The following MYO3B variants were observed in gnomAD, a reference collection of about 807,000 sequenced individuals.
The protein encoded by MYO3B is myosin IIIB.
A neutral mutation model predicts 174.6 loss-of-function variants in MYO3B; 156 were observed. The ratio of observed to expected loss-of-function variants is 0.89; its 90% CI spans 0.78 to 1.02. MYO3B has a LOEUF of 1.02. Among genes scored for constraint, MYO3B ranks in the 50% least tolerant of loss-of-function variants. The pLI is 0.00. For missense variants in MYO3B, 1,632 were observed against 1,639.4 expected (o/e 1.00, Z 0.08); for synonymous variants, 563 against 569.1 (o/e 0.99, Z 0.15).
intron 8 of MYO3B, chr2:170,340,449 A>G (rs2093970180): frequency 6.6e-6 from 1 of 152,224 alleles, no homozygotes; most frequent in South Asian, 2.1e-4. Context: ...AGAAAAAGTA[A>G]TATCTTTTCA....
intron 30 of MYO3B, 118 bp from the exon 31 acceptor site, chr2:170,542,788 A>G: frequency 1.4e-6 from 1 of 733,096 alleles, no homozygotes; most frequent in Non-Finnish European, 2.1e-6. Flanking sequence ...TGAAATGGGA[A>G]ACCATGGAAG....
At chr2:170,536,233 T>C (rs1319213352) in intron 30 of MYO3B, among the ~76,000 whole-genome samples, 2 of 152,214 alleles carry the variant, frequency 1.3e-5, no homozygotes, top group African/African-American at 4.8e-5. Flanking sequence ...GAAATTAGCA[T>C]AAGTGCATAA....
chr2:170,401,721 G>T, intron 18 of MYO3B, 30 bp downstream of exon 18: 1 of 1,600,864 alleles, frequency 6.2e-7, no homozygotes. Flanking sequence ...GAGGGTCTCA[G>T]GAGAGCTGTC....
intron 12 of MYO3B, among the ~76,000 whole-genome samples, chr2:170,384,571 T>C (rs1001280433): frequency 6.6e-6 from 1 of 152,164 alleles, no homozygotes; most frequent in Non-Finnish European, 1.5e-5. Flanking sequence ...ACAACATAGA[T>C]TATAAAATGG....
At chr2:170,223,828 T>C (rs1221734052) in intron 6 of MYO3B, among the ~76,000 whole-genome samples, 2 of 152,242 alleles carry the variant, frequency 1.3e-5, no homozygotes, top group Non-Finnish European at 2.9e-5. Flanking sequence ...ATCGTTTTTA[T>C]TGAGGACACC....
At position 170,652,315 on chromosome 2, in the gene MYO3B, T is replaced by C. The variant is rs149875282; in HGVS notation, c.3887+161T>C. 2.6e-3 allele frequency among the ~76,000 whole-genome samples: 389 copies of C among 152,334 alleles called. 4 individuals carry two copies. The highest frequency in any genetic ancestry group is 9.0e-3 in the African/African-American group (373 of 41,576). Reference sequence around the variant, plus strand: ...AAATTACTTTTCACAGTAGCAAGTATACAAAACTTGAATCTATTCTGTCCA... The same window carrying C: ...AAATTACTTTTCACAGTAGCAAGTACACAAAACTTGAATCTATTCTGTCCA... On this transcript the variant is annotated intron_variant, in intron 34 of 34. Transcript: ENST00000408978.
At chr2:170,242,729 C>T (rs1008164521) in intron 7 of MYO3B, among the ~76,000 whole-genome samples, 6 of 152,134 alleles carry the variant, frequency 3.9e-5, no homozygotes, top group South Asian at 2.1e-4. Context: ...TGATTCCCAG[C>T]GCTATCTGTG....
rs899891807 is a variant in MYO3B at position 170,616,201 on chromosome 2, A to G, written c.3734-35427A>G. ...CCAGAAGGGAGTATGCCTTAACCCT[A>G]AAGAGGCCTAGAAGAGCTGTGGCAA... On this transcript the variant is annotated intron_variant, in intron 32 of 34. Transcript: ENST00000408978. 5.3e-5 allele frequency among the ~76,000 whole-genome samples: 8 copies of G among 152,328 alleles called. No individual in the cohort carries two copies. In the East Asian group the frequency reaches 1.3e-3, roughly 26 times the overall value.
At chr2:170,615,292 A>C (rs1343329306) in intron 32 of MYO3B, among the ~76,000 whole-genome samples, 1 of 152,248 alleles carries the variant, frequency 6.6e-6, no homozygotes, top group Non-Finnish European at 1.5e-5. Context: ...CAAAACAGGC[A>C]AAAATCCCTG....
chr2:170,405,682 T>C, intron 21 of MYO3B, 49 bp downstream of exon 21: 5 of 1,444,348 alleles, frequency 3.5e-6, no homozygotes, highest in Non-Finnish European at 4.9e-6. Flanking sequence ...AAAGGGTAAG[T>C]GTCTGTATTA....
chr2:170,621,474 C>A (rs556349696), intron 32 of MYO3B, among the ~76,000 whole-genome samples: 123 of 151,906 alleles, frequency 8.1e-4, no homozygotes, highest in Non-Finnish European at 1.4e-3. Flanking sequence ...TTATATGAAG[C>A]CTTTTCTTAC....
chr2:170,409,996 T>C (rs2094535059), intron 22 of MYO3B, among the ~76,000 whole-genome samples: 1 of 152,246 alleles, frequency 6.6e-6, no homozygotes. Context: ...TCTTTGCCAA[T>C]GCTTGTTTCA....
At chr2:170,260,488 G>A (rs1391630930) in intron 7 of MYO3B, among the ~76,000 whole-genome samples, 1 of 152,230 alleles carries the variant, frequency 6.6e-6, no homozygotes, top group Non-Finnish European at 1.5e-5. Flanking sequence ...TCACTTAAAA[G>A]TGGCAGCTAA....
At chr2:170,431,884 A>G (rs140350712) in intron 22 of MYO3B, among the ~76,000 whole-genome samples, 33 of 152,362 alleles carry the variant, frequency 2.2e-4, no homozygotes, top group South Asian at 4.1e-4. Context: ...GACAGACCAC[A>G]TATACAACTG....
intron 25 of MYO3B, among the ~76,000 whole-genome samples, chr2:170,482,992 A>T (rs1685794043): frequency 6.6e-6 from 1 of 152,254 alleles, no homozygotes; most frequent in Admixed American, 6.5e-5. Context: ...TGCCTTTTTC[A>T]TGGAGCCCAT....
chr2:170,384,861 A>G (rs1032292615), intron 12 of MYO3B, among the ~76,000 whole-genome samples: 6 of 152,298 alleles, frequency 3.9e-5, no homozygotes, highest in South Asian at 4.1e-4. Flanking sequence ...CACAGACTCC[A>G]CAGATTAAGC....
chr2:170,404,468 G>A, intron 20 of MYO3B, 68 bp downstream of exon 20: 3 of 1,443,646 alleles, frequency 2.1e-6, no homozygotes, highest in Non-Finnish European at 1.9e-6. Flanking sequence ...TCAATTGAGT[G>A]TACTTTAATG....
At chr2:170,358,216 C>T (rs1213162678) in intron 8 of MYO3B, among the ~76,000 whole-genome samples, 2 of 150,026 alleles carry the variant, frequency 1.3e-5, no homozygotes, top group South Asian at 2.1e-4. Context: ...ATAGACGGAT[C>T]AACAAAATGT....
At chr2:170,355,385 C>T (rs1380875304) in intron 8 of MYO3B, among the ~76,000 whole-genome samples, 1 of 152,128 alleles carries the variant, frequency 6.6e-6, no homozygotes, top group Non-Finnish European at 1.5e-5. Flanking sequence ...TTAGTCTTTA[C>T]CAAAAGAACA....
Sources: gnomAD v4.1 joint callset for allele counts (sites outside exome capture counted in the v4.1 genomes callset) on GRCh38, gnomAD v4.1.1 for gene constraint, MANE v1.5 for transcripts, NCBI Gene and HGNC (gene_info 2026-07-23, HGNC 2026-07-21) for gene names.